CDK19: variants seen among roughly 807,000 people sequenced by gnomAD.
CDK19 encodes the protein cyclin dependent kinase 19, also known as cyclin-dependent kinase 19.
In CDK19, 20 loss-of-function variants were observed where a neutral mutation model predicts 68.3. The ratio of observed to expected loss-of-function variants is 0.29; its 90% CI spans 0.21 to 0.43. The LOEUF (loss-of-function observed/expected upper bound fraction) is 0.43, where lower values mean the gene tolerates loss of function less well. Ranked by LOEUF, CDK19 falls within the 20% of genes least tolerant of loss-of-function variation. CDK19 has a pLI of 1.00. For missense variants in CDK19, 339 were observed against 623.5 expected, an observed-to-expected ratio of 0.54 and a Z score of 4.86; for synonymous variants, 221 against 222.8, an observed-to-expected ratio of 0.99 and a Z score of 0.07.
intron 2 of CDK19, among the ~76,000 whole-genome samples, chr6:110,726,670 A>C (rs1776337419): frequency 6.6e-6 from 1 of 152,198 alleles, no homozygotes; most frequent in African/African-American, 2.4e-5. Flanking sequence ...ACAAAACCAC[A>C]ATTGAGTGGG....
intron 2 of CDK19, among the ~76,000 whole-genome samples, chr6:110,687,522 C>T (rs1772594231): frequency 6.6e-6 from 1 of 152,188 alleles, no homozygotes; most frequent in African/African-American, 2.4e-5. Context: ...GAAATAGTTA[C>T]TGTATTGTTT....
intron 4 of CDK19, among the ~76,000 whole-genome samples, chr6:110,639,416 ATT>A (rs1458403054): frequency 6.6e-6 from 1 of 152,336 alleles, no homozygotes; most frequent in African/African-American, 2.4e-5. Context: ...TGTATGTGTT[ATT>A]AACTTACTGG....
chr6:110,632,073 A>C lies in CDK19; in HGVS notation c.603T>G (p.Ala201=). The C allele has an allele frequency of 6.2e-7, 1 of 1,613,802 alleles. No homozygotes were observed. Among genetic ancestry groups the C allele is most frequent in the Non-Finnish European group, 8.5e-7 (1 of 1,179,738 alleles). Residue 201 remains alanine (A), a synonymous_variant, in exon 6 of 13, where the codon GCT becomes GCG. Transcript: ENST00000368911. ...GCCTTGCACCAAGCAAAAGTTCTGGAGCCCGATACCAAAATGTCACAACTA... is the reference window on the plus strand; with the variant it reads ...GCCTTGCACCAAGCAAAAGTTCTGGCGCCCGATACCAAAATGTCACAACTA... ...DPVVVTFWYR[A]PELLLGARHY...
intron 2 of CDK19, among the ~76,000 whole-genome samples, chr6:110,734,520 G>GCTCGCT (rs991736850): frequency 9.3e-5 from 8 of 85,732 alleles, no homozygotes; most frequent in African/African-American, 1.3e-4. Context: ...GGTGAGCACT[G>GCTCGCT]CTCTCTCTCT....
At chr6:110,783,226 T>C (rs1024629800) in intron 1 of CDK19, among the ~76,000 whole-genome samples, 12 of 152,160 alleles carry the variant, frequency 7.9e-5, no homozygotes, top group African/African-American at 2.7e-4. Context: ...CAGACAAATA[T>C]AGGGCAAGGA....
At chr6:110,697,477 A>C (rs941738551) in intron 2 of CDK19, among the ~76,000 whole-genome samples, 5 of 152,154 alleles carry the variant, frequency 3.3e-5, no homozygotes, top group African/African-American at 1.2e-4. Flanking sequence ...CTCCACAAGG[A>C]AAACTACAAA....
At chr6:110,675,166 A>G (rs1271751870) in intron 2 of CDK19, among the ~76,000 whole-genome samples, 2 of 152,224 alleles carry the variant, frequency 1.3e-5, no homozygotes, top group African/African-American at 4.8e-5. Flanking sequence ...AGAGAATTCT[A>G]TTGGAAACAG....
At chr6:110,796,692 C>A (rs75561859) in intron 1 of CDK19, among the ~76,000 whole-genome samples, 9,255 of 151,650 alleles carry the variant, frequency 0.061, 333 homozygotes, top group African/African-American at 0.1. Flanking sequence ...ATAAATTGAT[C>A]TTTGCCTCAG....
At chr6:110,813,085 G>C (rs1439470990) in intron 1 of CDK19, 1 of 148,816 alleles carries the variant, frequency 6.7e-6, no homozygotes, top group African/African-American at 2.5e-5. Context: ...ATATTTTGAA[G>C]ACACACAAAC....
intron 1 of CDK19, among the ~76,000 whole-genome samples, chr6:110,768,685 A>G (rs1246678618): frequency 6.6e-6 from 1 of 152,210 alleles, no homozygotes; most frequent in Non-Finnish European, 1.5e-5. Context: ...AACTGTAGAG[A>G]CAGAAAAAGA....
intron 1 of CDK19, among the ~76,000 whole-genome samples, chr6:110,751,097 G>T (rs1169030662): frequency 6.6e-6 from 1 of 152,112 alleles, no homozygotes; most frequent in Non-Finnish European, 1.5e-5. Context: ...AACTCCCAAA[G>T]TGCTGGGATT....
intron 1 of CDK19, chr6:110,813,794 A>G (rs1334888324): frequency 6.6e-6 from 1 of 152,274 alleles, no homozygotes; most frequent in African/African-American, 2.4e-5. Flanking sequence ...ACATCAAATT[A>G]TAACAGCACG....
At position 110,706,404 on chromosome 6, in the gene CDK19, G is replaced by GTTTTTTTTTTTTTTTTTTTTTTTTT. The variant is rs774904075; in HGVS notation, c.205-35864_205-35863insAAAAAAAAAAAAAAAAAAAAAAAAA. ...CAACAGCATGCTGGGTAACACTGTT[G>GTTTTTTTTTTTTTTTTTTTTTTTTT]TTTTTTTTTTGTTTGTTTTTTTTTT... On this transcript the variant is annotated intron_variant, in intron 2 of 12. Coordinates refer to ENST00000368911, the MANE Select transcript of CDK19 (RefSeq NM_015076.5). 2.8e-5 allele frequency: 2 copies of GTTTTTTTTTTTTTTTTTTTTTTTTT among 71,064 alleles called. 1 individual carries two copies. The highest frequency in any genetic ancestry group is 5.2e-5 in the Non-Finnish European group (2 of 38,606). 4.4% of individuals were successfully genotyped at this position (71,064 alleles called of 1,614,324 possible).
intron 2 of CDK19, among the ~76,000 whole-genome samples, chr6:110,720,161 T>C (rs1775753933): frequency 6.6e-6 from 1 of 152,106 alleles, no homozygotes; most frequent in Non-Finnish European, 1.5e-5. Flanking sequence ...TTGATACTTG[T>C]TCTTTACAGA....
At chr6:110,616,212 G>A (rs947726341) in intron 12 of CDK19, among the ~76,000 whole-genome samples, 4 of 152,100 alleles carry the variant, frequency 2.6e-5, no homozygotes, top group African/African-American at 9.7e-5. Context: ...CCTGTCGGGC[G>A]GTTACACTTT....
chr6:110,809,146 C>T (rs1227701505), intron 1 of CDK19, among the ~76,000 whole-genome samples: 4 of 150,658 alleles, frequency 2.7e-5, no homozygotes, highest in Non-Finnish European at 5.9e-5. Context: ...ACCCAGGAGG[C>T]GCAGCTTGCA....
At chr6:110,638,793 AT>A (rs769240018) in intron 4 of CDK19, 87 bp from the exon 5 acceptor site, 19 of 758,232 alleles carry the variant, frequency 2.5e-5, no homozygotes, top group Non-Finnish European at 3.9e-5. Flanking sequence ...CATATAAAAA[AT>A]CATTTCTGTA....
At chr6:110,772,374 C>A (rs146504872) in intron 1 of CDK19, among the ~76,000 whole-genome samples, 2 of 151,932 alleles carry the variant, frequency 1.3e-5, no homozygotes, top group African/African-American at 4.8e-5. Flanking sequence ...GGGGGGAAAC[C>A]GCCCCCTTAA....
At chr6:110,727,343 G>A (rs1776386038) in intron 2 of CDK19, among the ~76,000 whole-genome samples, 1 of 151,888 alleles carries the variant, frequency 6.6e-6, no homozygotes, top group African/African-American at 2.4e-5. Context: ...CCCATCTTAA[G>A]TATTTCCTTA....
Sources: allele counts gnomAD v4.1 joint callset (sites outside exome capture counted in the v4.1 genomes callset), GRCh38; gene constraint gnomAD v4.1.1; transcripts MANE v1.5; gene names NCBI Gene and HGNC (gene_info 2026-07-23, HGNC 2026-07-21).